The following EYS variants were observed in gnomAD, a reference collection of about 807,000 sequenced individuals.
EYS encodes the protein protein eyes shut homolog.
A neutral mutation model predicts 282.1 loss-of-function variants in EYS; 250 were observed. The observed-to-expected ratio is 0.89, with a 90% CI of 0.80 to 0.98. EYS has a LOEUF of 0.98. EYS is among the 50% of genes least tolerant of loss of function. The probability of loss-of-function intolerance (pLI) is 0.00; values close to 1 mark genes in which losing one functional copy is unlikely to be tolerated. For synonymous variants in EYS, 1,355 were observed against 1,282.9 expected (o/e 1.06, Z -1.20); for missense variants, 4,016 against 3,709.0 (o/e 1.08, Z -2.15).
intron 2 of EYS, among the ~76,000 whole-genome samples, chr6:65,559,086 G>T (rs994223883): frequency 6.6e-6 from 1 of 152,116 alleles, no homozygotes; most frequent in African/African-American, 2.4e-5. Flanking sequence ...ATAAAAGCAG[G>T]CCAGGTGCAG....
At chr6:64,276,569 A>T (rs1768122307) in intron 30 of EYS, among the ~76,000 whole-genome samples, 1 of 152,200 alleles carries the variant, frequency 6.6e-6, no homozygotes. Flanking sequence ...TAGAATATTC[A>T]GAGACTGAAC....
chr6:64,461,069 T>C lies in EYS; in HGVS notation c.5645-21717A>G, dbSNP rs140653352. 2.0e-5 allele frequency among the ~76,000 whole-genome samples: 3 copies of C among 152,336 alleles called. No homozygotes were observed. The East Asian group carries it at 5.8e-4, about 29-fold the overall frequency. ...ACAGGGCAGTCCTTAATATGACTCC[T>C]GCTGATGGGAGTGCTTCCTGCAGGT... is the stretch of plus-strand genomic sequence containing the variant. On this transcript the variant is annotated intron_variant, in intron 26 of 42. Coordinates refer to ENST00000503581, the MANE Select transcript of EYS (RefSeq NM_001142800.2).
At chr6:65,012,029 G>A (rs1315446117) in intron 13 of EYS, among the ~76,000 whole-genome samples, 4 of 152,130 alleles carry the variant, frequency 2.6e-5, no homozygotes, top group Admixed American at 2.6e-4. Flanking sequence ...TGGTACCCTG[G>A]AGGTTGCTAT....
chr6:64,615,839 C>T (rs1376629856), intron 24 of EYS, among the ~76,000 whole-genome samples: 1 of 152,034 alleles, frequency 6.6e-6, no homozygotes, highest in Non-Finnish European at 1.5e-5. Context: ...AAATGCCTTA[C>T]TAAAATGTAA....
At chr6:64,932,933 G>A (rs1179967215) in intron 15 of EYS, among the ~76,000 whole-genome samples, 2 of 152,030 alleles carry the variant, frequency 1.3e-5, no homozygotes, top group Non-Finnish European at 2.9e-5. Context: ...CTAGGAAAGA[G>A]CAAGATTTGA....
intron 35 of EYS, among the ~76,000 whole-genome samples, chr6:63,919,037 C>A (rs183943753): frequency 1.3e-5 from 2 of 152,122 alleles, no homozygotes; most frequent in African/African-American, 4.8e-5. Context: ...CTTTCAGCAG[C>A]GACTTTCTTC....
chr6:63,857,615 T>G (rs538195806), intron 36 of EYS: 23 of 426,192 alleles, frequency 5.4e-5, no homozygotes, highest in Non-Finnish European at 9.6e-5. Flanking sequence ...GGGGTCCACG[T>G]GTGCTCAGTG....
intron 37 of EYS, among the ~76,000 whole-genome samples, chr6:63,796,564 A>C (rs1770649769): frequency 6.6e-6 from 1 of 152,206 alleles, no homozygotes; most frequent in African/African-American, 2.4e-5. Flanking sequence ...AATAGTTGTA[A>C]TTTGTTATTT....
chr6:65,517,000 T>C (rs1221377123), intron 2 of EYS, among the ~76,000 whole-genome samples: 4 of 151,994 alleles, frequency 2.6e-5, no homozygotes, highest in Admixed American at 2.6e-4. Context: ...AAAAATACTA[T>C]GTGGATAATA....
At chr6:64,544,042 A>T (rs1764769535) in intron 26 of EYS, among the ~76,000 whole-genome samples, 1 of 152,162 alleles carries the variant, frequency 6.6e-6, no homozygotes, top group Non-Finnish European at 1.5e-5. Flanking sequence ...ATTTCTTAGG[A>T]ATTATTATCT....
intron 26 of EYS, among the ~76,000 whole-genome samples, chr6:64,494,529 C>T (rs371093190): frequency 6.6e-5 from 10 of 151,648 alleles, no homozygotes; most frequent in African/African-American, 2.4e-4. Flanking sequence ...TCACACTTAG[C>T]ACGTAATGAC....
intron 2 of EYS, among the ~76,000 whole-genome samples, chr6:65,544,032 G>A (rs111532540): frequency 0.02 from 2,084 of 103,330 alleles, 56 homozygotes; most frequent in African/African-American, 0.11. Flanking sequence ...GTGTGTGTGA[G>A]AGAGAGAGAG....
At chr6:65,112,142 C>A (rs550723726) in intron 12 of EYS, among the ~76,000 whole-genome samples, 1 of 152,144 alleles carries the variant, frequency 6.6e-6, no homozygotes, top group East Asian at 1.9e-4. Context: ...TTGTGTTATT[C>A]TTGGCATTTT....
At chr6:65,567,225 C>A (rs1456778909) in intron 2 of EYS, among the ~76,000 whole-genome samples, 1 of 150,570 alleles carries the variant, frequency 6.6e-6, no homozygotes, top group Non-Finnish European at 1.5e-5. Flanking sequence ...CTCTTCAGAA[C>A]TGTCAGAAAT....
rs115271726 is a variant in EYS, at chr6:63,940,094, C to T, written c.7055+44289G>A. On this transcript the variant is annotated intron_variant, in intron 35 of 42. Coordinates refer to ENST00000503581, the MANE Select transcript of EYS (RefSeq NM_001142800.2). ...GCATATTGCAGTAAAAACTGATCTC[C>T]TGTGGTTCTTGCATATTTCTCATCT... Among the ~76,000 whole-genome samples the T allele has an allele frequency of 8.8e-4, 134 of 152,282 alleles. 1 individual carries two copies. The highest frequency in any genetic ancestry group is 3.1e-3 in the African/African-American group (130 of 41,546).
intron 35 of EYS, among the ~76,000 whole-genome samples, chr6:63,914,924 G>A (rs1400455749): frequency 6.6e-6 from 1 of 152,120 alleles, no homozygotes; most frequent in Non-Finnish European, 1.5e-5. Context: ...TGGTTCATGA[G>A]GTTTAAAGAA....
intron 30 of EYS, among the ~76,000 whole-genome samples, chr6:64,303,253 A>T (rs1198675671): frequency 6.6e-6 from 1 of 152,228 alleles, no homozygotes; most frequent in Non-Finnish European, 1.5e-5. Context: ...TAGTAACAGC[A>T]CACATGGAAC....
At chr6:64,538,224 A>G (rs1288888961) in intron 26 of EYS, among the ~76,000 whole-genome samples, 4 of 152,184 alleles carry the variant, frequency 2.6e-5, no homozygotes, top group African/African-American at 9.6e-5. Context: ...TTGATGTACT[A>G]CCTAATGGTT....
At chr6:64,113,734 T>C (rs983011937) in intron 31 of EYS, among the ~76,000 whole-genome samples, 32 of 152,196 alleles carry the variant, frequency 2.1e-4, no homozygotes, top group Non-Finnish European at 2.2e-4. Flanking sequence ...ACATCACATA[T>C]AATTTTGGTA....
Sources: gnomAD v4.1 joint callset for allele counts (sites outside exome capture counted in the v4.1 genomes callset) on GRCh38, gnomAD v4.1.1 for gene constraint, MANE v1.5 for transcripts, NCBI Gene and HGNC (gene_info 2026-07-23, HGNC 2026-07-21) for gene names.